The following ADGB variants were observed in gnomAD, a reference collection of about 807,000 sequenced individuals.
ADGB encodes calpain-7-like protein.
In ADGB, 172 loss-of-function variants were observed where a neutral mutation model predicts 210.5. The ratio of observed to expected loss-of-function variants is 0.82; its 90% confidence interval spans 0.72 to 0.93. The LOEUF is 0.93. Ranked by LOEUF, ADGB falls within the 40% of genes least tolerant of loss-of-function variation. The pLI is 0.00. For missense variants in ADGB, 2,025 were observed against 1,964.8 expected (o/e 1.03, Z -0.58); for synonymous variants, 658 against 662.7 (o/e 0.99, Z 0.11).
intron 26 of ADGB, among the ~76,000 whole-genome samples, chr6:146,750,806 A>G (rs1254172327): frequency 6.6e-6 from 1 of 152,084 alleles, no homozygotes; most frequent in Non-Finnish European, 1.5e-5. Flanking sequence ...GGTGGAAGCT[A>G]ATTTCTCTGT....
At chr6:146,630,452 A>C (rs1015468786) in intron 1 of ADGB, among the ~76,000 whole-genome samples, 1 of 151,938 alleles carries the variant, frequency 6.6e-6, no homozygotes, top group African/African-American at 2.4e-5. Flanking sequence ...ACATGTTGGC[A>C]CTCCCTGCTA....
intron 1 of ADGB, among the ~76,000 whole-genome samples, chr6:146,628,646 C>T (rs1196259951): frequency 6.6e-6 from 1 of 151,908 alleles, no homozygotes; most frequent in African/African-American, 2.4e-5. Context: ...TTTCTTGCCT[C>T]TGAACTGTCT....
chr6:146,812,318 A>C (rs549438525), intron 35 of ADGB, among the ~76,000 whole-genome samples: 8 of 152,384 alleles, frequency 5.2e-5, no homozygotes, highest in African/African-American at 1.9e-4. Flanking sequence ...CAAGAGTTTC[A>C]TCAATGTCTC....
chr6:146,781,822 T>C (rs1777804292), intron 29 of ADGB, among the ~76,000 whole-genome samples, 198 bp from the exon 30 acceptor site: 3 of 152,204 alleles, frequency 2.0e-5, no homozygotes. Flanking sequence ...ACTCACTCAA[T>C]GGTGAGTGTT....
At chr6:146,702,861 T>A (rs1230810813) in intron 13 of ADGB, among the ~76,000 whole-genome samples, 1 of 151,984 alleles carries the variant, frequency 6.6e-6, no homozygotes, top group Admixed American at 6.6e-5. Flanking sequence ...ACAAATACAA[T>A]TCTATTGGAA....
chr6:146,813,309 G>T (rs12529705), intron 35 of ADGB, among the ~76,000 whole-genome samples: 53,944 of 150,958 alleles, frequency 0.36, 10,004 homozygotes, highest in East Asian at 0.67. Flanking sequence ...TTCTGGATAT[G>T]TCTTAGAGTT....
At chr6:146,659,974 T>G (rs1352457753) in intron 5 of ADGB, among the ~76,000 whole-genome samples, 2 of 152,188 alleles carry the variant, frequency 1.3e-5, no homozygotes, top group Admixed American at 1.3e-4. Flanking sequence ...ATCAATATGT[T>G]TATATAAAAA....
chr6:146,666,747 C>T, intron 6 of ADGB, 69 bp from the exon 7 acceptor site: 1 of 917,634 alleles, frequency 1.1e-6, no homozygotes, highest in Non-Finnish European at 1.7e-6. Flanking sequence ...TTAATGATTC[C>T]TAGTTCTTAT....
At chr6:146,788,975 T>TGAAAGG (rs1777919137) in intron 33 of ADGB, among the ~76,000 whole-genome samples, 1 of 152,218 alleles carries the variant, frequency 6.6e-6, no homozygotes, top group Non-Finnish European at 1.5e-5. Flanking sequence ...AGATTTCCTT[T>TGAAAGG]TTACCTTTCA....
At chr6:146,661,501 A>T (rs1449179458) in intron 5 of ADGB, among the ~76,000 whole-genome samples, 1 of 151,882 alleles carries the variant, frequency 6.6e-6, no homozygotes, top group Admixed American at 6.6e-5. Flanking sequence ...TACAGGTGTG[A>T]GCCACCACAC....
chr6:146,689,866 A>C (rs1776277920), intron 10 of ADGB, among the ~76,000 whole-genome samples: 1 of 152,160 alleles, frequency 6.6e-6, no homozygotes, highest in Non-Finnish European at 1.5e-5. Context: ...AACATCTATG[A>C]AAAAGTTTTT....
chr6:146,698,121 C>A (rs1490557656), intron 12 of ADGB, among the ~76,000 whole-genome samples: 6 of 152,124 alleles, frequency 3.9e-5, no homozygotes, highest in Admixed American at 1.3e-4. Flanking sequence ...ATGCTTCTGG[C>A]AGGGTTTGTG....
chr6:146,810,684 T>C (rs1778290533), intron 35 of ADGB, among the ~76,000 whole-genome samples: 1 of 152,092 alleles, frequency 6.6e-6, no homozygotes, highest in Admixed American at 6.5e-5. Flanking sequence ...TTATGCTAAG[T>C]GAAATATGCC....
intron 30 of ADGB, 142 bp downstream of exon 30, chr6:146,782,334 T>A: frequency 1.2e-6 from 1 of 819,704 alleles, no homozygotes. Flanking sequence ...TTTGAGGACA[T>A]TCCTTGGACA....
chr6:146,666,040 A>T (rs1054931196), intron 6 of ADGB, among the ~76,000 whole-genome samples: 5 of 152,208 alleles, frequency 3.3e-5, no homozygotes, highest in Non-Finnish European at 7.4e-5. Context: ...ATAAACAACA[A>T]AACAGTGCAC....
At chr6:146,670,457 T>G (rs2114900702) in intron 7 of ADGB, among the ~76,000 whole-genome samples, 1 of 152,250 alleles carries the variant, frequency 6.6e-6, no homozygotes, top group South Asian at 2.1e-4. Context: ...GCTACTCTTA[T>G]TTTTTTCTGC....
At chr6:146,654,840 T>C (rs982407635) in intron 4 of ADGB, among the ~76,000 whole-genome samples, 2 of 152,150 alleles carry the variant, frequency 1.3e-5, no homozygotes, top group Non-Finnish European at 2.9e-5. Flanking sequence ...AGATCTATTC[T>C]CTGAGCACAT....
intron 1 of ADGB, among the ~76,000 whole-genome samples, chr6:146,617,281 G>A (rs1269028151): frequency 6.6e-6 from 1 of 151,864 alleles, no homozygotes; most frequent in African/African-American, 2.4e-5. Flanking sequence ...ACCTATTTTT[G>A]TATGTTGATT....
rs533551291 is a variant in ADGB at position 146,733,338 on chromosome 6, A to C, written c.2656+83A>C. The C allele has an allele frequency of 4.6e-6, 6 of 1,298,278 alleles. No individual in the cohort carries two copies. In the South Asian group the frequency reaches 1.0e-4, roughly 22 times the overall value. 80.4% of individuals were successfully genotyped at this position (1,298,278 alleles called of 1,614,324 possible). ...AATTTAAGAAATGTGTTTGTGGAGT[A>C]AGTGGAATAAGTCTGTGTGGACTGT... is the stretch of plus-strand genomic sequence containing the variant. On this transcript the variant is annotated intron_variant, in intron 21 of 35. Transcript: ENST00000397944.
Sources: allele counts gnomAD v4.1 joint callset (sites outside exome capture counted in the v4.1 genomes callset), GRCh38; gene constraint gnomAD v4.1.1; transcripts MANE v1.5; gene names NCBI Gene and HGNC (gene_info 2026-07-23, HGNC 2026-07-21).